The following SYT1 variants were observed in gnomAD, a reference collection of about 807,000 sequenced individuals.
The protein encoded by SYT1 is synaptotagmin-1.
A neutral mutation model predicts 44.8 loss-of-function variants in SYT1; 8 were observed. The ratio of observed to expected loss-of-function variants is 0.18; its 90% CI spans 0.10 to 0.32. SYT1 has a LOEUF of 0.32. Ranked by LOEUF, SYT1 falls within the 10% of genes least tolerant of loss-of-function variation. The pLI is 1.00. For synonymous variants in SYT1, 154 were observed against 188.8 expected, an observed-to-expected ratio of 0.82 and a Z score of 1.51; for missense variants, 286 against 509.3, an observed-to-expected ratio of 0.56 and a Z score of 4.22.
At chr12:78,873,955 A>G (rs1873940330) in intron 1 of SYT1, among the ~76,000 whole-genome samples, 1 of 151,718 alleles carries the variant, frequency 6.6e-6, no homozygotes, top group Admixed American at 6.6e-5. Context: ...ATCTGATTTA[A>G]GAAAACAGGA....
intron 4 of SYT1, among the ~76,000 whole-genome samples, chr12:79,228,680 AAT>A (rs1276374665): frequency 3.3e-5 from 5 of 152,124 alleles, no homozygotes; most frequent in African/African-American, 1.2e-4. Context: ...TAGCCATTCA[AAT>A]AAAAAAATCT....
At chr12:79,325,483 T>A (rs1881569726) in intron 8 of SYT1, among the ~76,000 whole-genome samples, 1 of 152,218 alleles carries the variant, frequency 6.6e-6, no homozygotes, top group Non-Finnish European at 1.5e-5. Flanking sequence ...GAGAATTTAT[T>A]TTAAGCTTTC....
At chr12:79,316,845 C>T (rs1881111510) in intron 8 of SYT1, among the ~76,000 whole-genome samples, 1 of 152,200 alleles carries the variant, frequency 6.6e-6, no homozygotes, top group African/African-American at 2.4e-5. Context: ...AGCATCTTAG[C>T]ACTTTTGCAC....
At chr12:79,012,661 TATA>T (rs1471588891) in intron 2 of SYT1, among the ~76,000 whole-genome samples, 1 of 152,108 alleles carries the variant, frequency 6.6e-6, no homozygotes, top group Admixed American at 6.6e-5. Context: ...GAAAATTTAT[TATA>T]ATATTTCCTG....
intron 3 of SYT1, among the ~76,000 whole-genome samples, chr12:79,070,856 G>A (rs1876224344): frequency 6.6e-6 from 1 of 151,974 alleles, no homozygotes; most frequent in South Asian, 2.1e-4. Flanking sequence ...CTGCATGGGT[G>A]CCCTCTGAAT....
At chr12:78,924,645 T>C (rs1050581924) in intron 1 of SYT1, among the ~76,000 whole-genome samples, 2 of 147,690 alleles carry the variant, frequency 1.4e-5, no homozygotes, top group African/African-American at 4.9e-5. Context: ...ATTCTTTATA[T>C]ATATAAATAT....
intron 4 of SYT1, among the ~76,000 whole-genome samples, chr12:79,252,325 T>TATCATC (rs528291466): frequency 1.1e-4 from 17 of 152,062 alleles, no homozygotes; most frequent in African/African-American, 3.1e-4. Context: ...TAAGGATTAT[T>TATCATC]ATCATCATCA....
chr12:79,285,719 C>A, intron 4 of SYT1, 68 bp from the exon 5 acceptor site: 1 of 1,196,476 alleles, frequency 8.4e-7, no homozygotes, highest in Admixed American at 2.4e-5. Context: ...ATCTTTATAG[C>A]CCATGAGTTA....
At chr12:78,931,792 G>T (rs1160644673) in intron 1 of SYT1, among the ~76,000 whole-genome samples, 1 of 152,134 alleles carries the variant, frequency 6.6e-6, no homozygotes, top group Non-Finnish European at 1.5e-5. Flanking sequence ...AAGCCCTTTG[G>T]GTACAAAGTG....
intron 8 of SYT1, among the ~76,000 whole-genome samples, chr12:79,312,475 C>T (rs1018048711): frequency 6.6e-6 from 1 of 152,088 alleles, no homozygotes; most frequent in Non-Finnish European, 1.5e-5. Flanking sequence ...GTCCCACTCC[C>T]CCACACTGGA....
At chr12:79,047,146 A>T (rs900657564) in intron 2 of SYT1, among the ~76,000 whole-genome samples, 151 bp from the exon 3 acceptor site, 1 of 151,692 alleles carries the variant, frequency 6.6e-6, no homozygotes. Flanking sequence ...TATATATACT[A>T]AATATGGATA....
At chr12:79,307,638 G>T (rs557804381) in intron 8 of SYT1, among the ~76,000 whole-genome samples, 9 of 128,492 alleles carry the variant, frequency 7.0e-5, no homozygotes, top group East Asian at 4.5e-4. Context: ...GGGGGGGCGT[G>T]GGGGGGGGCG....
intron 3 of SYT1, among the ~76,000 whole-genome samples, chr12:79,094,997 T>C (rs1433329064): frequency 6.6e-6 from 1 of 152,052 alleles, no homozygotes; most frequent in African/African-American, 2.4e-5. Context: ...CATATTTCTG[T>C]CCAGCCATAT....
intron 1 of SYT1, among the ~76,000 whole-genome samples, chr12:78,944,841 T>A (rs1037955082): frequency 6.6e-6 from 1 of 152,198 alleles, no homozygotes; most frequent in Non-Finnish European, 1.5e-5. Context: ...TATGTCATAA[T>A]AACTGAGATT....
chr12:79,420,284 G>C (rs1035887371), intron 9 of SYT1, among the ~76,000 whole-genome samples: 1 of 152,036 alleles, frequency 6.6e-6, no homozygotes, highest in Admixed American at 6.6e-5. Flanking sequence ...TCCTTGCCAT[G>C]TTGGCACTGT....
At chr12:79,201,118 C>G (rs138221833) in intron 3 of SYT1, among the ~76,000 whole-genome samples, 38 of 152,130 alleles carry the variant, frequency 2.5e-4, no homozygotes, top group African/African-American at 8.7e-4. Flanking sequence ...CTTATAGTAA[C>G]GTTCCTAGGA....
At chr12:79,316,157 T>G (rs932134283) in intron 8 of SYT1, among the ~76,000 whole-genome samples, 6 of 152,224 alleles carry the variant, frequency 3.9e-5, no homozygotes, top group Non-Finnish European at 7.3e-5. Flanking sequence ...AAGTTCCTCA[T>G]ACCTCTTTCC....
intron 9 of SYT1, among the ~76,000 whole-genome samples, chr12:79,440,204 C>T (rs978078374): frequency 6.6e-6 from 1 of 152,004 alleles, no homozygotes; most frequent in African/African-American, 2.4e-5. Context: ...GGTGAAAGAG[C>T]GAGACTCCAT....
chr12:79,353,703 C>A, intron 9 of SYT1, 84 bp downstream of exon 9: 1 of 999,830 alleles, frequency 1.0e-6, no homozygotes, highest in South Asian at 1.3e-5. Context: ...TGCGACTCCC[C>A]ACTTCTTAAT....
Sources: gnomAD v4.1 joint callset for allele counts (sites outside exome capture counted in the v4.1 genomes callset) on GRCh38, gnomAD v4.1.1 for gene constraint, MANE v1.5 for transcripts, NCBI Gene and HGNC (gene_info 2026-07-23, HGNC 2026-07-21) for gene names.